The following EIF3I variants were observed in gnomAD, a reference collection of about 807,000 sequenced individuals.
EIF3I encodes the protein TGF-beta receptor-interacting protein 1.
EIF3I carries 20 observed loss-of-function variants against 43.3 expected under a neutral mutation model. The observed-to-expected ratio is 0.46, with a 90% CI of 0.32 to 0.67. The LOEUF is 0.67. Among genes scored for constraint, EIF3I ranks in the 30% least tolerant of loss-of-function variants. The pLI, the probability that EIF3I is intolerant of heterozygous loss-of-function variation, is 0.03. For missense variants in EIF3I, 279 were observed against 421.4 expected (o/e 0.66, Z 2.96); for synonymous variants, 167 against 151.7 (o/e 1.10, Z -0.74).
chr1:32,225,025 G>C (rs766770835), intron 4 of EIF3I, among the ~76,000 whole-genome samples: 20 of 152,276 alleles, frequency 1.3e-4, no homozygotes, highest in African/African-American at 4.3e-4. Context: ...GTAGAGACAG[G>C]GTTTCACCAT....
downstream of EIF3I, among the ~76,000 whole-genome samples, chr1:32,232,397 A>AT (rs925600836): frequency 3.3e-5 from 5 of 152,228 alleles, no homozygotes; most frequent in Non-Finnish European, 7.3e-5. Flanking sequence ...AAGGAGTTCT[A>AT]TTTAAAGGGA....
In EIF3I at chr1:32,224,139, C is replaced by G; in HGVS notation, c.184+18C>G. ...CGCTGACTGTATCCTTATTTTGGGT[C>G]TGAGTCCGTGTTGCTAGGGTCTGTC... On this transcript the variant is annotated intron_variant, in intron 3 of 11. Coordinates refer to ENST00000676679, the Ensembl canonical transcript of EIF3I. The G allele has an allele frequency of 6.2e-7, 1 of 1,613,458 alleles. No individual in the cohort carries two copies.
At chr1:32,225,945 CG>C (rs1348000006) in intron 4 of EIF3I, among the ~76,000 whole-genome samples, 1 of 151,614 alleles carries the variant, frequency 6.6e-6, no homozygotes, top group Non-Finnish European at 1.5e-5. Context: ...GGCGTGAACC[CG>C]GGAGGCGGAG....
At chr1:32,222,663 C>T (rs746604002) in intron 2 of EIF3I, 33 bp downstream of exon 2, 1 of 1,564,916 alleles carries the variant, frequency 6.4e-7, no homozygotes, top group Non-Finnish European at 8.8e-7. Context: ...CCGGGAGGGG[C>T]GGGATCCTTC....
chr1:32,224,570 A>G (rs1223082749), intron 4 of EIF3I, 95 bp downstream of exon 4: 1 of 892,262 alleles, frequency 1.1e-6, no homozygotes, highest in African/African-American at 1.7e-5. Context: ...GATGAAATCC[A>G]TAGATAGTTT....
chr1:32,223,208 A>C (rs1639062013), intron 2 of EIF3I, among the ~76,000 whole-genome samples: 1 of 152,224 alleles, frequency 6.6e-6, no homozygotes, highest in African/African-American at 2.4e-5. Flanking sequence ...CTCTAGTCTC[A>C]TTTTAAGTCA....
chr1:32,228,974 C>T (rs1184641969), intron 8 of EIF3I, among the ~76,000 whole-genome samples, 158 bp downstream of exon 8: 1 of 152,192 alleles, frequency 6.6e-6, no homozygotes, highest in Non-Finnish European at 1.5e-5. Flanking sequence ...TGAATAGCCC[C>T]AGGGCAGCCA....
At chr1:32,228,424 G>T in intron 6 of EIF3I, 75 bp from the exon 7 acceptor site, 1 of 1,233,276 alleles carries the variant, frequency 8.1e-7, no homozygotes, top group Non-Finnish European at 1.2e-6. Context: ...GCTTTCATTT[G>T]GGTGCTTGGG....
At chr1:32,228,057 A>G (rs2124265256) in intron 6 of EIF3I, among the ~76,000 whole-genome samples, 1 of 152,366 alleles carries the variant, frequency 6.6e-6, no homozygotes, top group Non-Finnish European at 1.5e-5. Flanking sequence ...CAGGAAGGAA[A>G]GAACATCCCA....
exon 1 of EIF3I, chr1:32,222,408 C>T (rs1639022252): frequency 6.3e-7 from 1 of 1,586,058 alleles, no homozygotes; most frequent in South Asian, 1.1e-5. Flanking sequence ...TCCGGTCTTA[C>T]TCACGTTGCG....
intron 4 of EIF3I, among the ~76,000 whole-genome samples, chr1:32,225,162 G>A (rs1639123439): frequency 6.6e-6 from 1 of 151,794 alleles, no homozygotes; most frequent in Admixed American, 6.6e-5. Context: ...TTTTAGTAGA[G>A]ACAGGGTTTC....
chr1:32,222,675 G>A (rs1301362116), intron 2 of EIF3I, 45 bp downstream of exon 2: 4 of 1,589,888 alleles, frequency 2.5e-6, no homozygotes, highest in Middle Eastern at 3.3e-4. Flanking sequence ...GGATCCTTCT[G>A]CCAGGACGAT....
intron 9 of EIF3I, among the ~76,000 whole-genome samples, chr1:32,229,985 G>A (rs1639210359): frequency 6.6e-6 from 1 of 152,176 alleles, no homozygotes; most frequent in Non-Finnish European, 1.5e-5. Context: ...CCAGCACATA[G>A]TAGGCACTCT....
intron 8 of EIF3I, 37 bp downstream of exon 8, chr1:32,228,853 A>G (rs760819902): frequency 6.5e-7 from 1 of 1,540,284 alleles, no homozygotes; most frequent in Admixed American, 1.7e-5. Flanking sequence ...CTGAAGCCTC[A>G]GGAAGCTTCC....
chr1:32,226,434 C>G, exon 6 of EIF3I: 1 of 1,604,502 alleles, frequency 6.2e-7, no homozygotes, highest in Non-Finnish European at 8.5e-7. Context: ...AGATCCCTTG[C>G]AATGACTCTA....
intron 10 of EIF3I, 23 bp from the exon 10 acceptor site, chr1:32,230,900 GAATT>G: frequency 2.6e-6 from 4 of 1,543,482 alleles, no homozygotes; most frequent in Non-Finnish European, 2.6e-6. Flanking sequence ...GATAGAAAGT[GAATT>G]AATTGTGTCC....
At chr1:32,227,395 C>G (rs1229022241) in intron 6 of EIF3I, among the ~76,000 whole-genome samples, 1 of 151,484 alleles carries the variant, frequency 6.6e-6, no homozygotes, top group East Asian at 1.9e-4. Context: ...CATGACTTCT[C>G]TGACCCTGTT....
chr1:32,225,701 C>G (rs1249332336), intron 4 of EIF3I, among the ~76,000 whole-genome samples: 2 of 150,114 alleles, frequency 1.3e-5, no homozygotes, highest in African/African-American at 2.5e-5. Flanking sequence ...CGCACAGCAG[C>G]CTGCAGGACA....
chr1:32,228,026 G>A (rs559304210), intron 6 of EIF3I, among the ~76,000 whole-genome samples: 2 of 152,266 alleles, frequency 1.3e-5, no homozygotes, highest in South Asian at 4.2e-4. Context: ...TTAAACCCTG[G>A]AGAATAAATG....
Sources: allele counts gnomAD v4.1 joint callset (sites outside exome capture counted in the v4.1 genomes callset), GRCh38; gene constraint gnomAD v4.1.1; transcripts MANE v1.5; gene names NCBI Gene and HGNC (gene_info 2026-07-23, HGNC 2026-07-21).